The following DIAPH3 variants were observed in gnomAD, a reference collection of about 807,000 sequenced individuals.
The protein encoded by DIAPH3 is diaphanous related formin 3.
A neutral mutation model predicts 144.3 loss-of-function variants in DIAPH3; 117 were observed. The ratio of observed to expected loss-of-function variants is 0.81; its 90% CI spans 0.70 to 0.95. The LOEUF is 0.95. Among genes scored for constraint, DIAPH3 ranks in the 40% least tolerant of loss-of-function variants. The probability of loss-of-function intolerance (pLI) is 0.00; values close to 1 mark genes in which losing one functional copy is unlikely to be tolerated. For missense variants in DIAPH3, 1,421 were observed against 1,412.7 expected, an observed-to-expected ratio of 1.01 and a Z score of -0.09; for synonymous variants, 519 against 488.9, an observed-to-expected ratio of 1.06 and a Z score of -0.81.
At chr13:59,781,925 G>A (rs569862699) in intron 25 of DIAPH3, among the ~76,000 whole-genome samples, 1 of 152,134 alleles carries the variant, frequency 6.6e-6, no homozygotes, top group Non-Finnish European at 1.5e-5. Flanking sequence ...TCCACCACAT[G>A]AGGACACAGC....
intron 27 of DIAPH3, among the ~76,000 whole-genome samples, chr13:59,675,804 G>A (rs2032620281): frequency 6.6e-6 from 1 of 152,162 alleles, no homozygotes; most frequent in African/African-American, 2.4e-5. Flanking sequence ...CATGGTTCTG[G>A]GGGAACATGA....
chr13:60,112,045 C>T lies in DIAPH3; in HGVS notation c.355G>A (p.Glu119Lys). Residue 119 changes from glutamate to lysine, a missense_variant, in exon 3 of 28, where the codon GAG (glutamate) becomes AAG (lysine). Transcript: ENST00000400324. ...TCAAAAAGTTCTAAGAGTTCATTCT[C>T]TGACAGTGGCTTTGGAAAGTTCTCC... ...MMENFPKPLSENELLELFEKM... is the reference protein window; with the variant it reads ...MMENFPKPLSKNELLELFEKM... 1 of 1,614,142 alleles carries T rather than the reference C, an allele frequency of 6.2e-7. No individual in the cohort carries two copies. The highest frequency in any genetic ancestry group is 1.1e-5 in the South Asian group (1 of 91,078).
chr13:59,984,525 A>C (rs751641806), intron 12 of DIAPH3, among the ~76,000 whole-genome samples: 2 of 151,896 alleles, frequency 1.3e-5, no homozygotes, highest in Non-Finnish European at 2.9e-5. Flanking sequence ...GTCATAGGTG[A>C]AACATCCCTT....
intron 27 of DIAPH3, among the ~76,000 whole-genome samples, chr13:59,745,270 T>C (rs1052219572): frequency 1.6e-4 from 25 of 152,330 alleles, no homozygotes; most frequent in African/African-American, 5.8e-4. Context: ...CTATTTCAAG[T>C]GTGAATACTG....
intron 21 of DIAPH3, among the ~76,000 whole-genome samples, chr13:59,874,321 T>C (rs1593780690): frequency 6.6e-6 from 1 of 152,178 alleles, no homozygotes; most frequent in East Asian, 1.9e-4. Flanking sequence ...TTGGAAAGTG[T>C]CTCATTAGGG....
chr13:59,913,389 G>T (rs894730454), intron 19 of DIAPH3, among the ~76,000 whole-genome samples: 1 of 152,080 alleles, frequency 6.6e-6, no homozygotes, highest in African/African-American at 2.4e-5. Flanking sequence ...CGCATGCCCA[G>T]CTTCCCTCAC....
At chr13:59,952,228 T>C (rs1350276083) in intron 17 of DIAPH3, among the ~76,000 whole-genome samples, 1 of 152,144 alleles carries the variant, frequency 6.6e-6, no homozygotes, top group Non-Finnish European at 1.5e-5. Context: ...AGATTGGTGA[T>C]TGCCAGGGGC....
chr13:59,920,419 T>C (rs1304223329), intron 18 of DIAPH3, among the ~76,000 whole-genome samples: 1 of 151,820 alleles, frequency 6.6e-6, no homozygotes, highest in African/African-American at 2.4e-5. Flanking sequence ...AGATAAAATA[T>C]ACTTTAAACC....
intron 27 of DIAPH3, among the ~76,000 whole-genome samples, chr13:59,735,911 T>C (rs1377919121): frequency 6.6e-6 from 1 of 152,114 alleles, no homozygotes; most frequent in African/African-American, 2.4e-5. Flanking sequence ...CTAGTCTCCA[T>C]TAGTTATTTT....
chr13:60,147,049 TAA>T (rs564643561), intron 1 of DIAPH3, among the ~76,000 whole-genome samples: 2 of 152,204 alleles, frequency 1.3e-5, no homozygotes, highest in Non-Finnish European at 2.9e-5. Flanking sequence ...ATGTTATCTA[TAA>T]GAGTTAAATC....
At chr13:60,133,179 G>A (rs2059186148) in intron 1 of DIAPH3, among the ~76,000 whole-genome samples, 190 bp from the exon 2 acceptor site, 1 of 151,974 alleles carries the variant, frequency 6.6e-6, no homozygotes, top group African/African-American at 2.4e-5. Flanking sequence ...TACCCTGCGT[G>A]TGATAGTTCC....
At chr13:60,015,051 A>G (rs1349957239) in intron 7 of DIAPH3, among the ~76,000 whole-genome samples, 2 of 151,894 alleles carry the variant, frequency 1.3e-5, no homozygotes, top group African/African-American at 4.8e-5. Flanking sequence ...GCTGGAGTGC[A>G]GTGATTCGAT....
At chr13:59,886,791 CACTG>C (rs1257208315) in intron 20 of DIAPH3, among the ~76,000 whole-genome samples, 1 of 151,824 alleles carries the variant, frequency 6.6e-6, no homozygotes, top group African/African-American at 2.4e-5. Context: ...ATTTTTGGTA[CACTG>C]ACTGTATTCT....
At chr13:59,760,764 T>A (rs1051627987) in intron 27 of DIAPH3, among the ~76,000 whole-genome samples, 1 of 152,180 alleles carries the variant, frequency 6.6e-6, no homozygotes, top group Non-Finnish European at 1.5e-5. Flanking sequence ...TACAGTAATA[T>A]ATGAGGTAAA....
At chr13:60,019,449 A>C (rs748267578) in intron 5 of DIAPH3, among the ~76,000 whole-genome samples, 3 of 152,182 alleles carry the variant, frequency 2.0e-5, no homozygotes, top group Non-Finnish European at 2.9e-5. Context: ...AGTGTGCTAA[A>C]TACTAAATCT....
chr13:59,939,835 C>CGTGTGTGTGTGT (rs3220859), intron 17 of DIAPH3, among the ~76,000 whole-genome samples: 1,516 of 146,732 alleles, frequency 0.01, 10 homozygotes, highest in Non-Finnish European at 0.014. Context: ...GAGAATGAGG[C>CGTGTGTGTGTGT]GTGTGTGTGT....
intron 27 of DIAPH3, among the ~76,000 whole-genome samples, chr13:59,715,839 G>T (rs930235934): frequency 6.6e-6 from 1 of 152,142 alleles, no homozygotes; most frequent in Non-Finnish European, 1.5e-5. Flanking sequence ...GTGAGATTAC[G>T]TAAGTGAAAG....
At chr13:59,732,586 C>T (rs993222716) in intron 27 of DIAPH3, among the ~76,000 whole-genome samples, 18 of 151,646 alleles carry the variant, frequency 1.2e-4, no homozygotes, top group African/African-American at 3.4e-4. Flanking sequence ...GGACTACAGG[C>T]GCACTCCAAC....
chr13:59,675,100 C>T (rs1356869214), intron 27 of DIAPH3, among the ~76,000 whole-genome samples: 3 of 152,064 alleles, frequency 2.0e-5, no homozygotes, highest in East Asian at 1.9e-4. Context: ...CTTGCTCTGT[C>T]GCTTGCTCAG....
Sources: gnomAD v4.1 joint callset for allele counts (sites outside exome capture counted in the v4.1 genomes callset) on GRCh38, gnomAD v4.1.1 for gene constraint, MANE v1.5 for transcripts, NCBI Gene and HGNC (gene_info 2026-07-23, HGNC 2026-07-21) for gene names.